NPAS3: variants seen among roughly 807,000 people sequenced by gnomAD.
NPAS3 encodes neuronal PAS domain-containing protein 3.
A neutral mutation model predicts 73.1 loss-of-function variants in NPAS3; 14 were observed. The ratio of observed to expected loss-of-function variants is 0.19; its 90% CI spans 0.13 to 0.30. The LOEUF is 0.30. NPAS3 is among the 10% of genes least tolerant of loss of function. NPAS3 has a pLI of 1.00. For missense variants in NPAS3, 1,096 were observed against 1,250.0 expected (o/e 0.88, Z 1.86); for synonymous variants, 620 against 541.5 (o/e 1.14, Z -2.01).
At chr14:33,031,824 T>A (rs2040006367) in intron 1 of NPAS3, among the ~76,000 whole-genome samples, 2 of 152,248 alleles carry the variant, frequency 1.3e-5, no homozygotes, top group Non-Finnish European at 2.9e-5. Flanking sequence ...TTTGTGAACA[T>A]CTATTGCATG....
At chr14:33,613,998 A>G (rs2057836450) in intron 5 of NPAS3, among the ~76,000 whole-genome samples, 1 of 152,198 alleles carries the variant, frequency 6.6e-6, no homozygotes, top group Admixed American at 6.5e-5. Flanking sequence ...GTCATCACCT[A>G]GTAGGCTTTG....
intron 4 of NPAS3, among the ~76,000 whole-genome samples, chr14:33,390,335 G>T (rs1454078160): frequency 6.6e-6 from 1 of 152,142 alleles, no homozygotes; most frequent in African/African-American, 2.4e-5. Flanking sequence ...GAGAAAGAGT[G>T]CTGCCTCCCT....
At chr14:33,289,847 G>A (rs1456830738) in intron 3 of NPAS3, among the ~76,000 whole-genome samples, 1 of 151,484 alleles carries the variant, frequency 6.6e-6, no homozygotes, top group Non-Finnish European at 1.5e-5. Flanking sequence ...ATCTATTCTT[G>A]TCTTTACCCC....
chr14:33,387,672 C>A (rs113749304), intron 4 of NPAS3, among the ~76,000 whole-genome samples: 61 of 152,144 alleles, frequency 4.0e-4, no homozygotes, highest in African/African-American at 1.4e-3. Context: ...CAGGGTAAGG[C>A]CTTCCAGTCC....
intron 2 of NPAS3, among the ~76,000 whole-genome samples, chr14:33,089,689 A>G (rs1021259033): frequency 1.1e-4 from 17 of 152,270 alleles, no homozygotes; most frequent in Admixed American, 2.0e-4. Context: ...TCCAAGACAC[A>G]TAATTGTCAG....
intron 6 of NPAS3, among the ~76,000 whole-genome samples, chr14:33,683,493 C>A (rs552272658): frequency 7.2e-6 from 1 of 138,988 alleles, no homozygotes; most frequent in Admixed American, 7.3e-5. Context: ...ATTATAAATT[C>A]TATTTCTATA....
intron 1 of NPAS3, among the ~76,000 whole-genome samples, chr14:32,992,613 A>G (rs1402345273): frequency 6.6e-6 from 1 of 152,198 alleles, no homozygotes; most frequent in Non-Finnish European, 1.5e-5. Context: ...GAAAGTAAGT[A>G]ATCAGGGAGT....
intron 2 of NPAS3, among the ~76,000 whole-genome samples, chr14:33,177,019 T>C (rs1595614336): frequency 6.6e-6 from 1 of 151,224 alleles, no homozygotes; most frequent in East Asian, 1.9e-4. Context: ...TATATCTCCT[T>C]TGTAGAAGTG....
At chr14:33,711,629 A>G (rs1393369009) in intron 6 of NPAS3, among the ~76,000 whole-genome samples, 1 of 152,156 alleles carries the variant, frequency 6.6e-6, no homozygotes, top group Non-Finnish European at 1.5e-5. Flanking sequence ...GGACCTAGAT[A>G]TGGTCCCAAA....
chr14:33,190,795 C>A (rs1566657417), intron 2 of NPAS3, among the ~76,000 whole-genome samples: 1 of 152,168 alleles, frequency 6.6e-6, no homozygotes, highest in Non-Finnish European at 1.5e-5. Flanking sequence ...ATGTGTCGTG[C>A]TGTCCTTTAG....
chr14:33,297,109 T>G (rs190274112), intron 3 of NPAS3, among the ~76,000 whole-genome samples: 1 of 152,300 alleles, frequency 6.6e-6, no homozygotes, highest in East Asian at 1.9e-4. Context: ...ATAACTAGAA[T>G]GGAGCGATAC....
At chr14:33,586,289 T>C (rs542305586) in intron 5 of NPAS3, among the ~76,000 whole-genome samples, 1 of 150,368 alleles carries the variant, frequency 6.7e-6, no homozygotes, top group African/African-American at 2.5e-5. Flanking sequence ...CAAAAGGATT[T>C]TGAGTTCCCC....
In NPAS3 at chr14:33,229,957, C is replaced by T. The variant is rs571455457; in HGVS notation, c.385+14531C>T. 7.2e-5 allele frequency among the ~76,000 whole-genome samples: 11 copies of T among 152,238 alleles called. No homozygotes were observed. In the East Asian group the frequency reaches 1.3e-3, roughly 19 times the overall value. ...CCTGCTAAAATTTCATTCTGTGGAA[C>T]GAAAACACAGCCAGCCCTGAAACGA... is the stretch of plus-strand genomic sequence containing the variant. On this transcript the variant is annotated intron_variant, in intron 3 of 11. Coordinates refer to ENST00000356141, the Ensembl canonical transcript of NPAS3.
intron 1 of NPAS3, among the ~76,000 whole-genome samples, chr14:32,964,714 C>T (rs893146576): frequency 5.9e-5 from 9 of 151,994 alleles, no homozygotes; most frequent in South Asian, 4.1e-4. Context: ...GTGTGGCTCA[C>T]GCCTGTAATC....
intron 3 of NPAS3, among the ~76,000 whole-genome samples, chr14:33,354,402 C>T (rs1350131486): frequency 1.3e-5 from 2 of 152,124 alleles, no homozygotes; most frequent in South Asian, 4.1e-4. Context: ...ACATGGCTGC[C>T]GCTTTATCCA....
At chr14:32,970,290 C>T (rs532498220) in intron 1 of NPAS3, among the ~76,000 whole-genome samples, 2 of 152,102 alleles carry the variant, frequency 1.3e-5, no homozygotes, top group South Asian at 4.1e-4. Context: ...TTTGTTGTTG[C>T]TGCCCTTAGT....
At chr14:33,494,497 A>G (rs1359750047) in intron 4 of NPAS3, among the ~76,000 whole-genome samples, 4 of 152,084 alleles carry the variant, frequency 2.6e-5, no homozygotes, top group Non-Finnish European at 5.9e-5. Flanking sequence ...GTGTCTCAAA[A>G]CAAGTTGCTT....
intron 3 of NPAS3, among the ~76,000 whole-genome samples, chr14:33,330,282 T>C (rs1384685188): frequency 6.6e-6 from 1 of 152,118 alleles, no homozygotes; most frequent in East Asian, 1.9e-4. Flanking sequence ...CAAAAAACAC[T>C]GCACGAATAT....
At chr14:33,747,326 A>C (rs982965317) in intron 7 of NPAS3, among the ~76,000 whole-genome samples, 2 of 152,146 alleles carry the variant, frequency 1.3e-5, no homozygotes, top group African/African-American at 4.8e-5. Flanking sequence ...TTCTCAGTAA[A>C]CTATCGCAAG....
Sources: allele counts gnomAD v4.1 joint callset (sites outside exome capture counted in the v4.1 genomes callset), GRCh38; gene constraint gnomAD v4.1.1; transcripts MANE v1.5; gene names NCBI Gene and HGNC (gene_info 2026-07-23, HGNC 2026-07-21).